The following RAD23B variants were observed in gnomAD, a reference collection of about 807,000 sequenced individuals.
The protein encoded by RAD23B is lysine-specific demethylase RAD23B.
A neutral mutation model predicts 49.1 loss-of-function variants in RAD23B; 5 were observed. The ratio of observed to expected loss-of-function variants is 0.10; its 90% CI spans 0.05 to 0.21. RAD23B has a LOEUF of 0.21. Among genes scored for constraint, RAD23B ranks in the 10% least tolerant of loss-of-function variants. RAD23B has a pLI of 1.00. For synonymous variants in RAD23B, 184 were observed against 165.4 expected (o/e 1.11, Z -0.86); for missense variants, 356 against 486.7 (o/e 0.73, Z 2.53).
At chr9:107,300,367 T>C in intron 2 of RAD23B, 145 bp downstream of exon 2, 1 of 942,280 alleles carries the variant, frequency 1.1e-6, no homozygotes, top group Non-Finnish European at 1.4e-6. Context: ...CATTTGAATC[T>C]AATATTAATA....
At chr9:107,287,654 G>C (rs1345301634) in intron 1 of RAD23B, among the ~76,000 whole-genome samples, 2 of 152,000 alleles carry the variant, frequency 1.3e-5, no homozygotes, top group African/African-American at 4.8e-5. Context: ...GACCAACATG[G>C]TGAAACCTGG....
chr9:107,315,109 T>G (rs1176030205), intron 5 of RAD23B, among the ~76,000 whole-genome samples: 1 of 152,156 alleles, frequency 6.6e-6, no homozygotes, highest in Admixed American at 6.5e-5. Flanking sequence ...TAGTTTCAGG[T>G]CTTAATATTT....
At chr9:107,316,636 A>G (rs1827004000) in intron 5 of RAD23B, among the ~76,000 whole-genome samples, 1 of 152,170 alleles carries the variant, frequency 6.6e-6, no homozygotes, top group Admixed American at 6.5e-5. Flanking sequence ...TCAAATGCTT[A>G]ATCTGTTTGT....
Position 107,301,080 on chromosome 9 carries a change from G to A in RAD23B, c.148+858G>A, listed in dbSNP as rs542761523. Among the ~76,000 whole-genome samples, 177 of 152,254 alleles carry A rather than the reference G, an allele frequency of 1.2e-3. 1 individual carries two copies. The highest frequency in any genetic ancestry group is 4.2e-3 in the African/African-American group (175 of 41,538). On this transcript the variant is annotated intron_variant, in intron 2 of 9. Transcript: ENST00000358015. ...CTTTTGATTCAATAGCTTTTTAAAG[G>A]TGGAAAACTAAATTCATGTAGCAAG...
intron 3 of RAD23B, among the ~76,000 whole-genome samples, chr9:107,305,808 A>G (rs1826750171): frequency 6.6e-6 from 1 of 151,884 alleles, no homozygotes; most frequent in Non-Finnish European, 1.5e-5. Context: ...TTATACTGCC[A>G]TTTCAAGAAC....
intron 3 of RAD23B, 122 bp downstream of exon 3, chr9:107,302,236 T>G (rs1391083212): frequency 3.1e-6 from 4 of 1,305,118 alleles, no homozygotes; most frequent in Non-Finnish European, 4.0e-6. Context: ...TTAACTACTA[T>G]GAAAGGTTTT....
At chr9:107,285,189 A>G (rs1404373433) in intron 1 of RAD23B, among the ~76,000 whole-genome samples, 1 of 152,228 alleles carries the variant, frequency 6.6e-6, no homozygotes, top group Admixed American at 6.5e-5. Context: ...GAAGTAATTG[A>G]CAATACCCTG....
chr9:107,314,028 G>A (rs1352324960), intron 5 of RAD23B, among the ~76,000 whole-genome samples: 1 of 151,194 alleles, frequency 6.6e-6, no homozygotes, highest in Non-Finnish European at 1.5e-5. Context: ...TGTTTTCACT[G>A]TCATTTAGTT....
At chr9:107,293,681 G>T (rs909431737) in intron 1 of RAD23B, among the ~76,000 whole-genome samples, 1 of 152,236 alleles carries the variant, frequency 6.6e-6, no homozygotes, top group African/African-American at 2.4e-5. Flanking sequence ...GCAAAGTGCT[G>T]TGTAAGAAGA....
Position 107,284,924 on chromosome 9 carries a change from A to G in RAD23B, c.66+1229A>G, listed in dbSNP as rs764004121. ...TGTGAAGATTAGATGGTATGTATTT[A>G]CTTGGTGGTCAGTAAATGGAATCGA... On this transcript the variant is annotated intron_variant, in intron 1 of 9. Transcript: ENST00000358015. 1.2e-5 allele frequency: 15 copies of G among 1,299,620 alleles called. No homozygotes were observed. In the South Asian group the frequency reaches 1.4e-4, roughly 12 times the overall value. 80.5% of individuals were successfully genotyped at this position (1,299,620 alleles called of 1,614,324 possible). A position where few individuals can be genotyped will look rare whatever the true frequency, so the allele number is the denominator to read the frequency against.
In RAD23B at chr9:107,332,012, T is replaced by C; in HGVS notation, c.*2356T>C. 2 of 377,944 alleles carry C rather than the reference T, an allele frequency of 5.3e-6. No individual in the cohort carries two copies. The highest frequency in any genetic ancestry group is 9.3e-6 in the Non-Finnish European group (2 of 213,930). The allele number at this position is 377,944 out of a possible 1,614,324, so 23.4% of individuals were successfully genotyped here. A position where few individuals can be genotyped will look rare whatever the true frequency, so the allele number is the denominator to read the frequency against. ...GTCATTTCTTGAAATCTTTTTCTCGTTTAGTTGCTCTGTGGGAAATGTGAG... is the reference window on the plus strand; with the variant it reads ...GTCATTTCTTGAAATCTTTTTCTCGCTTAGTTGCTCTGTGGGAAATGTGAG... On this transcript the variant is annotated 3_prime_UTR_variant, in exon 10 of 10. Coordinates refer to ENST00000358015, the MANE Select transcript of RAD23B (RefSeq NM_002874.5).
intron 3 of RAD23B, among the ~76,000 whole-genome samples, chr9:107,306,073 C>CACATA (rs1564245561): frequency 3.1e-5 from 2 of 63,506 alleles, no homozygotes; most frequent in Non-Finnish European, 6.0e-5. Context: ...ATATATATAT[C>CACATA]TATATATCTA....
chr9:107,284,909 A>G, intron 1 of RAD23B: 1 of 1,293,864 alleles, frequency 7.7e-7, no homozygotes, highest in Non-Finnish European at 1.0e-6. Flanking sequence ...TGTGAAGATT[A>G]GATGGTATGT....
intron 1 of RAD23B, among the ~76,000 whole-genome samples, chr9:107,290,726 CAAAT>C (rs1219888552): frequency 6.6e-6 from 1 of 152,032 alleles, no homozygotes; most frequent in Non-Finnish European, 1.5e-5. Context: ...AGTTTTTAAA[CAAAT>C]CCTGCTTTCA....
At chr9:107,328,435 A>C (rs1827249638) in intron 9 of RAD23B, among the ~76,000 whole-genome samples, 1 of 152,062 alleles carries the variant, frequency 6.6e-6, no homozygotes, top group African/African-American at 2.4e-5. Flanking sequence ...TGGTTTTGGG[A>C]TGAAACTGTT....
At chr9:107,301,617 A>G (rs1587852196) in intron 2 of RAD23B, among the ~76,000 whole-genome samples, 1 of 152,130 alleles carries the variant, frequency 6.6e-6, no homozygotes, top group East Asian at 1.9e-4. Context: ...TACTCGCTGT[A>G]TCCTTGAACT....
rs755530025 is a variant in RAD23B, at chr9:107,283,668, C to A, written c.39C>A (p.Phe13Leu). The change falls in exon 1 of 10, where the codon TTC becomes TTA. Residue 13 changes from phenylalanine (F) to leucine (L), a missense_variant. Phe to Leu is a conservative substitution (Grantham distance 22). This residue lies in a region of RAD23B where 31 missense variants were observed against 23.5 expected (regional missense o/e 1.32). Coordinates refer to ENST00000358015, the MANE Select transcript of RAD23B (RefSeq NM_002874.5). ...TGAAGACCCTCCAGCAGCAGACCTT[C>A]AAGATAGACATTGACCCCGAGGAGA... is the stretch of plus-strand genomic sequence containing the variant. ...VTLKTLQQQT[F>L]KIDIDPEETV... 2 of 1,482,942 alleles carry A rather than the reference C, an allele frequency of 1.3e-6. No homozygotes were observed. Among genetic ancestry groups the A allele is most frequent in the Non-Finnish European group, 9.0e-7 (1 of 1,114,420 alleles). 91.9% of individuals were successfully genotyped at this position (1,482,942 alleles called of 1,614,324 possible). A position where few individuals can be genotyped will look rare whatever the true frequency, so the allele number is the denominator to read the frequency against.
At chr9:107,291,284 C>G (rs919421393) in intron 1 of RAD23B, among the ~76,000 whole-genome samples, 1 of 152,180 alleles carries the variant, frequency 6.6e-6, no homozygotes, top group African/African-American at 2.4e-5. Flanking sequence ...TCTGCTTACT[C>G]AGTTTTCAAA....
chr9:107,301,097 T>G (rs1415349338), intron 2 of RAD23B, among the ~76,000 whole-genome samples: 1 of 152,220 alleles, frequency 6.6e-6, no homozygotes, highest in African/African-American at 2.4e-5. Context: ...ACTAAATTCA[T>G]GTAGCAAGAA....
Sources: allele counts gnomAD v4.1 joint callset (sites outside exome capture counted in the v4.1 genomes callset), GRCh38; gene constraint gnomAD v4.1.1; regional missense constraint gnomAD v4.1.1; transcripts MANE v1.5; gene names NCBI Gene and HGNC (gene_info 2026-07-23, HGNC 2026-07-21).